MINDY2: variants seen among roughly 807,000 people sequenced by gnomAD.
The protein encoded by MINDY2 is ubiquitin carboxyl-terminal hydrolase MINDY-2.
A neutral mutation model predicts 68.2 loss-of-function variants in MINDY2; 52 were observed. The ratio of observed to expected loss-of-function variants is 0.76; its 90% CI spans 0.61 to 0.96. The LOEUF is 0.96. MINDY2 is among the 40% of genes least tolerant of loss of function. The pLI, the probability that MINDY2 is intolerant of heterozygous loss-of-function variation, is 0.00. For missense variants in MINDY2, 881 were observed against 773.4 expected (o/e 1.14, Z -1.65); for synonymous variants, 372 against 303.0 (o/e 1.23, Z -2.36).
At chr15:58,835,012 T>G (rs1212245400) in intron 6 of MINDY2, among the ~76,000 whole-genome samples, 1 of 152,180 alleles carries the variant, frequency 6.6e-6, no homozygotes, top group Non-Finnish European at 1.5e-5. Flanking sequence ...TGCTAAATCA[T>G]TTTATTTCTT....
chr15:58,854,712 A>G lies in MINDY2; in HGVS notation c.*102A>G. On this transcript the variant is annotated 3_prime_UTR_variant, in exon 9 of 9. Transcript: ENST00000559228. ...CAATACCGTCTGTGCCTGATTTCCTAATGGATTTTGTTCGTTTTTTCAGGG... is the reference window on the plus strand; with the variant it reads ...CAATACCGTCTGTGCCTGATTTCCTGATGGATTTTGTTCGTTTTTTCAGGG... 1 of 1,384,474 alleles carries G rather than the reference A, an allele frequency of 7.2e-7. No individual in the cohort carries two copies. Among genetic ancestry groups the G allele is most frequent in the East Asian group, 2.4e-5 (1 of 42,266 alleles). 85.8% of individuals were successfully genotyped at this position (1,384,474 alleles called of 1,614,324 possible).
At chr15:58,774,256 G>A (rs1163566360) in intron 1 of MINDY2, among the ~76,000 whole-genome samples, 2 of 152,168 alleles carry the variant, frequency 1.3e-5, no homozygotes, top group South Asian at 2.1e-4. Context: ...GCCGAGGCGG[G>A]TGGATCACCT....
chr15:58,784,245 G>T (rs1901338466), intron 1 of MINDY2, among the ~76,000 whole-genome samples: 1 of 152,092 alleles, frequency 6.6e-6, no homozygotes, highest in South Asian at 2.1e-4. Context: ...AGGACTGCTT[G>T]AGCTGGGGAG....
At chr15:58,783,673 C>T (rs976890156) in intron 1 of MINDY2, among the ~76,000 whole-genome samples, 1 of 152,176 alleles carries the variant, frequency 6.6e-6, no homozygotes, top group Non-Finnish European at 1.5e-5. Flanking sequence ...GTGGCTTACA[C>T]CCGTAATCCC....
intron 2 of MINDY2, among the ~76,000 whole-genome samples, chr15:58,788,670 C>CTATATAT (rs1901670356): frequency 6.6e-6 from 1 of 152,122 alleles, no homozygotes; most frequent in Admixed American, 6.6e-5. Flanking sequence ...ATACTATCAC[C>CTATATAT]AAATAGGAAA....
intron 1 of MINDY2, among the ~76,000 whole-genome samples, chr15:58,773,068 AT>A (rs1900544571): frequency 6.6e-6 from 1 of 152,150 alleles, no homozygotes; most frequent in Non-Finnish European, 1.5e-5. Flanking sequence ...TGCTGAGAAG[AT>A]GCATCTCACA....
rs2032835398 is a variant in MINDY2, at chr15:58,851,936, G to A, written c.1708G>A (p.Ala570Thr). The A allele has an allele frequency of 2.5e-6, 4 of 1,586,796 alleles. No homozygotes were observed. The highest frequency in any genetic ancestry group is 3.4e-6 in the Non-Finnish European group (4 of 1,172,966). Residue 570 changes from alanine to threonine, a missense_variant, in exon 8 of 9, where the codon GCT becomes ACT. Physicochemically the swap from Ala to Thr is moderately conservative, Grantham distance 58. Transcript: ENST00000559228. Reference sequence around the variant, plus strand: ...TCAGGAACAGGAACAAGCAGCAGCTGCTGCTGCTGCTGCTTCTACACAGGC... The same window carrying A: ...TCAGGAACAGGAACAAGCAGCAGCTACTGCTGCTGCTGCTTCTACACAGGC... ...YYQEQEQAAA[A>T]AAAASTQAQQ... is the part of the protein sequence containing the mutation.
At chr15:58,839,322 T>TTTGTTTG (rs1555434704) in intron 6 of MINDY2, among the ~76,000 whole-genome samples, 20,373 of 148,732 alleles carry the variant, frequency 0.14, 1,462 homozygotes, top group South Asian at 0.26. Context: ...TAGACTGTTT[T>TTTGTTTG]TTTGTTTGTT....
intron 2 of MINDY2, among the ~76,000 whole-genome samples, chr15:58,798,825 G>T (rs1385325683): frequency 6.6e-6 from 1 of 152,120 alleles, no homozygotes; most frequent in African/African-American, 2.4e-5. Context: ...TAGTTAGTGG[G>T]GCTGTGTAAG....
intron 2 of MINDY2, among the ~76,000 whole-genome samples, chr15:58,797,526 G>C (rs1389110456): frequency 1.3e-5 from 2 of 152,008 alleles, no homozygotes; most frequent in Non-Finnish European, 2.9e-5. Flanking sequence ...AAACAAAAAA[G>C]ATTAATTTTA....
chr15:58,773,761 A>T (rs1428783158), intron 1 of MINDY2, among the ~76,000 whole-genome samples: 1 of 152,172 alleles, frequency 6.6e-6, no homozygotes, highest in African/African-American at 2.4e-5. Flanking sequence ...AAGGAAGAGA[A>T]TTTAGAATAA....
chr15:58,818,292 T>C (rs1411244599), intron 4 of MINDY2, among the ~76,000 whole-genome samples: 1 of 152,168 alleles, frequency 6.6e-6, no homozygotes. Context: ...AAGATCTTAC[T>C]CTGACACCCA....
At chr15:58,797,605 T>G (rs1902369008) in intron 2 of MINDY2, among the ~76,000 whole-genome samples, 1 of 152,226 alleles carries the variant, frequency 6.6e-6, no homozygotes, top group African/African-American at 2.4e-5. Context: ...CTCAAATTCG[T>G]GGCTTGCATT....
intron 1 of MINDY2, among the ~76,000 whole-genome samples, chr15:58,780,260 C>T (rs1475327977): frequency 1.3e-5 from 2 of 151,894 alleles, no homozygotes; most frequent in East Asian, 1.9e-4. Flanking sequence ...CAAAATTAGC[C>T]GGGTGTGGTG....
At chr15:58,851,490 G>A (rs549127241) in intron 7 of MINDY2, among the ~76,000 whole-genome samples, 2 of 151,418 alleles carry the variant, frequency 1.3e-5, no homozygotes, top group East Asian at 3.9e-4. Context: ...CCATGCTGGG[G>A]TGCAGTGAGG....
intron 4 of MINDY2, among the ~76,000 whole-genome samples, chr15:58,818,843 G>T (rs2030875880): frequency 6.6e-6 from 1 of 151,912 alleles, no homozygotes; most frequent in East Asian, 1.9e-4. Flanking sequence ...GTTTCCTCGT[G>T]TTGGCCAGGC....
intron 2 of MINDY2, among the ~76,000 whole-genome samples, chr15:58,800,506 T>A (rs1441854135): frequency 6.6e-6 from 1 of 152,196 alleles, no homozygotes; most frequent in Admixed American, 6.6e-5. Context: ...TTGCCACTAC[T>A]TTACAATATA....
chr15:58,836,837 C>T (rs1261538634), intron 6 of MINDY2, among the ~76,000 whole-genome samples: 1 of 152,064 alleles, frequency 6.6e-6, no homozygotes, highest in African/African-American at 2.4e-5. Context: ...CCAAATTGGT[C>T]TTGAGCTCCT....
intron 5 of MINDY2, among the ~76,000 whole-genome samples, chr15:58,822,871 G>A (rs1292691960): frequency 1.3e-5 from 2 of 151,946 alleles, no homozygotes; most frequent in Non-Finnish European, 2.9e-5. Context: ...TAGGGCATGA[G>A]TTTTAGTCTC....
Sources: gnomAD v4.1 joint callset for allele counts (sites outside exome capture counted in the v4.1 genomes callset) on GRCh38, gnomAD v4.1.1 for gene constraint, MANE v1.5 for transcripts, NCBI Gene and HGNC (gene_info 2026-07-23, HGNC 2026-07-21) for gene names.